The following AHI1 variants were observed in gnomAD, a reference collection of about 807,000 sequenced individuals.
The protein encoded by AHI1 is Abelson helper integration site 1, also known as jouberin.
AHI1 carries 123 observed loss-of-function variants against 149.3 expected under a neutral mutation model. That is an observed-to-expected ratio of 0.82 (90% CI 0.71 to 0.96). The LOEUF is 0.96. Ranked by LOEUF, AHI1 falls within the 40% of genes least tolerant of loss-of-function variation. The probability of loss-of-function intolerance (pLI) is 0.00; values close to 1 mark genes in which losing one functional copy is unlikely to be tolerated. For synonymous variants in AHI1, 475 were observed against 459.8 expected, an observed-to-expected ratio of 1.03 and a Z score of -0.42; for missense variants, 1,439 against 1,422.7, an observed-to-expected ratio of 1.01 and a Z score of -0.18.
chr6:135,330,192 T>C lies in AHI1; in HGVS notation c.3166-6868A>G, dbSNP rs1309860710. On this transcript the variant is annotated intron_variant, in intron 24 of 28. Transcript: ENST00000265602. ...GAATCCAATTCTCAAAGTTTTACTT[T>C]GGGTAAAATGCTATCAGACAGCACT... 3.3e-5 allele frequency among the ~76,000 whole-genome samples: 5 copies of C among 152,204 alleles called. No homozygotes were observed. In the South Asian group the frequency reaches 8.3e-4, roughly 25 times the overall value.
At chr6:135,371,671 G>A (rs540165788) in intron 23 of AHI1, among the ~76,000 whole-genome samples, 1 of 152,258 alleles carries the variant, frequency 6.6e-6, no homozygotes, top group African/African-American at 2.4e-5. Flanking sequence ...CTACTCTAGA[G>A]ATTTTAACAT....
chr6:135,379,900 T>C (rs557283501), intron 23 of AHI1, among the ~76,000 whole-genome samples: 1 of 150,438 alleles, frequency 6.6e-6, no homozygotes, highest in South Asian at 2.1e-4. Context: ...CCAAGCTCCC[T>C]TCCCTTTCCT....
chr6:135,317,499 A>G, intron 26 of AHI1, among the ~76,000 whole-genome samples: 1 of 148,666 alleles, frequency 6.7e-6, no homozygotes, highest in East Asian at 2.0e-4. Flanking sequence ...CTCCTTGGGA[A>G]CTCTTCATGG....
At chr6:135,303,822 C>A (rs1784202645) in intron 26 of AHI1, among the ~76,000 whole-genome samples, 1 of 152,204 alleles carries the variant, frequency 6.6e-6, no homozygotes, top group Non-Finnish European at 1.5e-5. Context: ...GCACCCCCTG[C>A]TTCCCAACCC....
rs1329623088 is a variant in AHI1 at position 135,284,693 on chromosome 6, T to TA, written c.*951dup. 2 of 152,096 alleles carry TA rather than the reference T, an allele frequency of 1.3e-5. No individual in the cohort carries two copies. The highest frequency in any genetic ancestry group is 4.8e-5 in the African/African-American group (2 of 41,428). The allele number at this position is 152,096 out of a possible 1,614,324, so 9.4% of individuals were successfully genotyped here. A position where few individuals can be genotyped will look rare whatever the true frequency, so the allele number is the denominator to read the frequency against. On this transcript the variant is annotated 3_prime_UTR_variant, in exon 29 of 29. Coordinates refer to ENST00000265602, the MANE Select transcript of AHI1 (RefSeq NM_001134831.2). ...GTGCTTAAATATGAAAAGCCTTTTT[T>TA]AAAAAGTAAAGACATTGGGAACATT...
chr6:135,358,201 A>T lies in AHI1; in HGVS notation c.3110-14T>A. The T allele has an allele frequency of 6.2e-7, 1 of 1,608,658 alleles. No homozygotes were observed. Reference sequence around the variant, plus strand: ...TGCTGATAATCCCTGTGGAAAGAAAACATTGTGAGTATTTGGTTATTAAGC... The same window carrying T: ...TGCTGATAATCCCTGTGGAAAGAAATCATTGTGAGTATTTGGTTATTAAGC... On this transcript the variant is annotated splice_polypyrimidine_tract_variant and intron_variant, in intron 23 of 28. Transcript: ENST00000265602.
rs548745255 is a variant in AHI1, at chr6:135,325,402, CA to C, written c.3166-2079del. Among the ~76,000 whole-genome samples the C allele has an allele frequency of 9.7e-4, 147 of 152,282 alleles. 1 individual carries two copies. The highest frequency in any genetic ancestry group is 3.4e-3 in the African/African-American group (143 of 41,564). On this transcript the variant is annotated intron_variant, in intron 24 of 28. Coordinates refer to ENST00000265602, the MANE Select transcript of AHI1 (RefSeq NM_001134831.2). ...AACTTTAACTTTTCTCTTTGTTCTC[CA>C]AATTTCTCTTTCAGTCTCTTACCTG...
rs754436452 is a variant in AHI1 at position 135,448,364 on chromosome 6, A to G, written c.1552T>C (p.Trp518Arg). The G allele has an allele frequency of 6.2e-7, 1 of 1,611,502 alleles. No homozygotes were observed. The highest frequency in any genetic ancestry group is 1.1e-5 in the South Asian group (1 of 90,612). ...PLSVVEAFEWWSKCPRNHYPS... is the reference protein window; with the variant it reads ...PLSVVEAFEWRSKCPRNHYPS... ...TAATGATTTCTTGGACATTTTGACCACCATTCAAATGCCTCAACAACACTT... is the reference window on the plus strand; with the variant it reads ...TAATGATTTCTTGGACATTTTGACCGCCATTCAAATGCCTCAACAACACTT... Residue 518 changes from tryptophan (W) to arginine (R), a missense_variant, in exon 12 of 29, where the codon TGG (tryptophan) becomes CGG (arginine). Transcript: ENST00000265602.
At chr6:135,474,721 A>G (rs1216490610) in intron 5 of AHI1, 1 of 152,196 alleles carries the variant, frequency 6.6e-6, no homozygotes. Context: ...GGTGAATTAC[A>G]TTGGATGCTT....
chr6:135,388,812 G>A (rs1197367528), intron 23 of AHI1, among the ~76,000 whole-genome samples: 2 of 151,342 alleles, frequency 1.3e-5, no homozygotes, highest in African/African-American at 4.9e-5. Context: ...AGGAGTTCAA[G>A]ACCAGCCTGG....
chr6:135,404,432 C>T (rs1562684604), intron 22 of AHI1, among the ~76,000 whole-genome samples: 2 of 152,176 alleles, frequency 1.3e-5, no homozygotes, highest in African/African-American at 2.4e-5. Context: ...CAGTCTCCTC[C>T]TTTCTAAAAT....
intron 25 of AHI1, among the ~76,000 whole-genome samples, chr6:135,321,561 A>C (rs118164765): frequency 2.0e-5 from 3 of 152,222 alleles, no homozygotes; most frequent in Non-Finnish European, 4.4e-5. Flanking sequence ...ATCTAGGCTT[A>C]GCCCAGCATC....
chr6:135,464,745 A>T (rs1458076213), intron 7 of AHI1, among the ~76,000 whole-genome samples: 2 of 152,214 alleles, frequency 1.3e-5, no homozygotes, highest in Non-Finnish European at 1.5e-5. Flanking sequence ...ACCAACAACC[A>T]CATGAATGAG....
intron 23 of AHI1, among the ~76,000 whole-genome samples, chr6:135,368,893 C>G (rs1262547883): frequency 6.6e-6 from 1 of 152,238 alleles, no homozygotes; most frequent in Non-Finnish European, 1.5e-5. Flanking sequence ...GTGCTCATAT[C>G]TGCACTCCTC....
chr6:135,312,225 G>T (rs961479394), intron 26 of AHI1, among the ~76,000 whole-genome samples: 4 of 152,058 alleles, frequency 2.6e-5, no homozygotes, highest in Non-Finnish European at 5.9e-5. Context: ...ACCAAACAGG[G>T]ATGTGGGCTG....
chr6:135,364,074 C>T (rs557216349), intron 23 of AHI1, among the ~76,000 whole-genome samples: 694 of 149,454 alleles, frequency 4.6e-3, no homozygotes, highest in Middle Eastern at 0.011. Context: ...GGGGGGCTGA[C>T]CCCCCCACCT....
intron 11 of AHI1, 112 bp downstream of exon 11, chr6:135,453,226 TACA>T: frequency 2.4e-6 from 2 of 823,910 alleles, no homozygotes; most frequent in Non-Finnish European, 2.0e-6. Flanking sequence ...TCTTCATCCC[TACA>T]ACATTACCTT....
At chr6:135,478,664 C>G (rs1793111543) in intron 5 of AHI1, among the ~76,000 whole-genome samples, 1 of 152,166 alleles carries the variant, frequency 6.6e-6, no homozygotes, top group Admixed American at 6.5e-5. Context: ...AAAAGAAAAA[C>G]CAGTTTTCTG....
chr6:135,432,831 T>C (rs1410516185), intron 16 of AHI1, among the ~76,000 whole-genome samples, 196 bp downstream of exon 16: 1 of 152,208 alleles, frequency 6.6e-6, no homozygotes. Context: ...TGAATCTAAA[T>C]GTTTAAGAAT....
Sources: allele counts gnomAD v4.1 joint callset (sites outside exome capture counted in the v4.1 genomes callset), GRCh38; gene constraint gnomAD v4.1.1; transcripts MANE v1.5; gene names NCBI Gene and HGNC (gene_info 2026-07-23, HGNC 2026-07-21).